Variants in DNAJC3 observed in about 807,000 individuals in gnomAD.
DNAJC3 encodes DnaJ heat shock protein family (Hsp40) member C3, also known as dnaJ homolog subfamily C member 3.
A neutral mutation model predicts 68.6 loss-of-function variants in DNAJC3; 38 were observed. That is an observed-to-expected ratio of 0.55 (90% confidence interval 0.43 to 0.73). The LOEUF (loss-of-function observed/expected upper bound fraction) is 0.73, where lower values mean the gene tolerates loss of function less well. DNAJC3 is among the 30% of genes least tolerant of loss of function. DNAJC3 has a pLI of 0.00. For missense variants in DNAJC3, 526 were observed against 591.9 expected (o/e 0.89, Z 1.16); for synonymous variants, 203 against 204.0 (o/e 1.00, Z 0.04).
intron 3 of DNAJC3, among the ~76,000 whole-genome samples, chr13:95,724,097 A>G (rs1566484818): frequency 6.6e-6 from 1 of 152,202 alleles, no homozygotes; most frequent in Non-Finnish European, 1.5e-5. Context: ...GATTTGAAAT[A>G]TTACTAATAT....
chr13:95,686,123 G>A (rs569450093), intron 1 of DNAJC3, among the ~76,000 whole-genome samples: 2 of 152,160 alleles, frequency 1.3e-5, no homozygotes, highest in Non-Finnish European at 2.9e-5. Context: ...CACCATGCCC[G>A]GCTAATTTTT....
rs1413660447 is a variant in DNAJC3 at position 95,763,887 on chromosome 13, C to CCTGACAA, written c.1010_1016dup (p.Val340Ter). The CCTGACAA allele has an allele frequency of 6.2e-7, 1 of 1,613,902 alleles. No homozygotes were observed. On this transcript the variant is annotated frameshift_variant, in exon 9 of 12. Coordinates refer to ENST00000602402, the MANE Select transcript of DNAJC3 (RefSeq NM_006260.5). LOFTEE classifies it high-confidence loss of function. ...TTGTTCTGAAGTTTTACAGATGGAA[C>CCTGACAA]CTGACAATGTGAATGCCCTGAAAGA...
intron 9 of DNAJC3, among the ~76,000 whole-genome samples, chr13:95,782,905 T>G (rs1883494429): frequency 6.6e-6 from 1 of 152,196 alleles, no homozygotes; most frequent in South Asian, 2.1e-4. Context: ...GTGTCCTGAA[T>G]GGTATTGCCT....
At chr13:95,765,868 T>C (rs1425712390) in intron 9 of DNAJC3, among the ~76,000 whole-genome samples, 1 of 152,154 alleles carries the variant, frequency 6.6e-6, no homozygotes, top group Non-Finnish European at 1.5e-5. Flanking sequence ...CCAATTGATA[T>C]GTCTTTGAAG....
At position 95,710,816 on chromosome 13, in the gene DNAJC3, A is replaced by G. The variant is rs1880931601; in HGVS notation, c.193+1479A>G. Among the ~76,000 whole-genome samples the G allele has an allele frequency of 2.0e-5, 3 of 152,208 alleles. No homozygotes were observed. The South Asian group carries it at 6.2e-4, about 32-fold the overall frequency. ...ATCCTCCCACCTCAGCCTCCTGAGT[A>G]GCTAGGACTACAGCTGCATGCCATC... On this transcript the variant is annotated intron_variant, in intron 2 of 11. Transcript: ENST00000602402.
chr13:95,751,654 T>C (rs1882483299), intron 4 of DNAJC3, among the ~76,000 whole-genome samples: 1 of 151,874 alleles, frequency 6.6e-6, no homozygotes, highest in South Asian at 2.1e-4. Context: ...GGCACAAGAG[T>C]CTTTTGGAAT....
chr13:95,742,844 A>G (rs752695233), intron 4 of DNAJC3: 1 of 518,886 alleles, frequency 1.9e-6, no homozygotes, highest in South Asian at 1.4e-5. Flanking sequence ...GTCATGTCTA[A>G]GAAGTATTCA....
intron 4 of DNAJC3, among the ~76,000 whole-genome samples, chr13:95,755,583 A>G (rs1388021979): frequency 6.6e-6 from 1 of 151,188 alleles, no homozygotes; most frequent in Non-Finnish European, 1.5e-5. Flanking sequence ...ATGGTGAAAC[A>G]CCATCTCTAC....
At chr13:95,706,966 G>A (rs1171670193) in intron 1 of DNAJC3, among the ~76,000 whole-genome samples, 1 of 152,126 alleles carries the variant, frequency 6.6e-6, no homozygotes, top group Non-Finnish European at 1.5e-5. Flanking sequence ...CTCCCTGTAG[G>A]TGCCCCAGTG....
chr13:95,711,778 G>A (rs974840651), intron 2 of DNAJC3, among the ~76,000 whole-genome samples: 13 of 152,110 alleles, frequency 8.5e-5, no homozygotes, highest in African/African-American at 2.2e-4. Flanking sequence ...AGGCTTTAGC[G>A]TCTTTCAATA....
At chr13:95,696,341 G>C (rs754208934) in intron 1 of DNAJC3, among the ~76,000 whole-genome samples, 15 of 152,112 alleles carry the variant, frequency 9.9e-5, no homozygotes, top group Non-Finnish European at 1.5e-4. Flanking sequence ...CATAACACTT[G>C]GGAGTGACTA....
At chr13:95,770,800 A>C (rs17885409) in intron 9 of DNAJC3, among the ~76,000 whole-genome samples, 53 of 152,284 alleles carry the variant, frequency 3.5e-4, no homozygotes, top group African/African-American at 1.2e-3. Context: ...TGGGCTCATA[A>C]CGAGGCTGTA....
chr13:95,741,404 G>T (rs1010128954), intron 4 of DNAJC3, among the ~76,000 whole-genome samples: 7 of 152,214 alleles, frequency 4.6e-5, no homozygotes, highest in Non-Finnish European at 8.8e-5. Flanking sequence ...TTGTAGTTTT[G>T]CTGGGGATGG....
intron 4 of DNAJC3, among the ~76,000 whole-genome samples, chr13:95,746,307 T>C (rs1455518432): frequency 1.3e-5 from 2 of 152,194 alleles, no homozygotes; most frequent in Non-Finnish European, 2.9e-5. Context: ...TGGAAAGATA[T>C]GCAAGAAACT....
rs1462486421 is a variant in DNAJC3 at position 95,792,771 on chromosome 13, TTC to T, written c.*1743_*1744del. On this transcript the variant is annotated 3_prime_UTR_variant, in exon 12 of 12. Coordinates refer to ENST00000602402, the MANE Select transcript of DNAJC3 (RefSeq NM_006260.5). ...GGTGTAAAAATAATTTCCAAGGCATTTCTGTTTATTCTTTAGTAATCTCACTA... is the reference window on the plus strand; with the variant it reads ...GGTGTAAAAATAATTTCCAAGGCATTTGTTTATTCTTTAGTAATCTCACTA... The T allele has an allele frequency of 6.6e-6, 1 of 152,216 alleles. No homozygotes were observed. Among genetic ancestry groups the T allele is most frequent in the South Asian group, 2.1e-4 (1 of 4,834 alleles). 9.4% of individuals were successfully genotyped at this position (152,216 alleles called of 1,614,324 possible). A position where few individuals can be genotyped will look rare whatever the true frequency, so the allele number is the denominator to read the frequency against.
At chr13:95,775,008 C>G (rs1165349608) in intron 9 of DNAJC3, among the ~76,000 whole-genome samples, 1 of 152,130 alleles carries the variant, frequency 6.6e-6, no homozygotes, top group Admixed American at 6.5e-5. Context: ...TGCCATTTTA[C>G]TATTGTTTTC....
intron 9 of DNAJC3, among the ~76,000 whole-genome samples, chr13:95,767,691 G>GGTTTTTT (rs1555328431): frequency 3.7e-5 from 5 of 135,794 alleles, no homozygotes; most frequent in African/African-American, 1.4e-4. Flanking sequence ...AGTTTTTTGG[G>GGTTTTTT]TTTTTTTTTT....
At chr13:95,761,590 A>G (rs1379319112) in intron 7 of DNAJC3, among the ~76,000 whole-genome samples, 2 of 152,196 alleles carry the variant, frequency 1.3e-5, no homozygotes, top group Admixed American at 6.5e-5. Context: ...CAGTCAAGAT[A>G]CAGAATAATT....
At chr13:95,698,678 T>C (rs904603744) in intron 1 of DNAJC3, among the ~76,000 whole-genome samples, 1 of 152,134 alleles carries the variant, frequency 6.6e-6, no homozygotes, top group African/African-American at 2.4e-5. Flanking sequence ...CTGGGATTGG[T>C]TTAAGGACAT....
Sources: gnomAD v4.1 joint callset for allele counts (sites outside exome capture counted in the v4.1 genomes callset) on GRCh38, gnomAD v4.1.1 for gene constraint, MANE v1.5 for transcripts, NCBI Gene and HGNC (gene_info 2026-07-23, HGNC 2026-07-21) for gene names.